The following CHAF1A variants were observed in gnomAD, a reference collection of about 807,000 sequenced individuals.
CHAF1A encodes CAF-1 subunit A.
CHAF1A carries 5 observed loss-of-function variants against 93.2 expected under a neutral mutation model. The ratio of observed to expected loss-of-function variants is 0.05; its 90% CI spans 0.03 to 0.11. The LOEUF (loss-of-function observed/expected upper bound fraction) is 0.11, where lower values mean the gene tolerates loss of function less well. Ranked by LOEUF, CHAF1A falls within the 10% of genes least tolerant of loss-of-function variation. The pLI, the probability that CHAF1A is intolerant of heterozygous loss-of-function variation, is 1.00. For synonymous variants in CHAF1A, 504 were observed against 510.3 expected, an observed-to-expected ratio of 0.99 and a Z score of 0.17; for missense variants, 1,102 against 1,259.9, an observed-to-expected ratio of 0.87 and a Z score of 1.90.
At chr19:4,412,899 T>A (rs1188503818) in intron 3 of CHAF1A, among the ~76,000 whole-genome samples, 1 of 152,162 alleles carries the variant, frequency 6.6e-6, no homozygotes, top group African/African-American at 2.4e-5. Context: ...TCACCGAAGC[T>A]ATGAGGGAAG....
chr19:4,448,044 G>A (rs890358344), downstream of CHAF1A: 2 of 549,374 alleles, frequency 3.6e-6, no homozygotes, highest in South Asian at 2.1e-5. Flanking sequence ...AGTGGGGTGG[G>A]ACCCTGCCTC....
chr19:4,448,474 G>C, downstream of CHAF1A: 1 of 1,388,284 alleles, frequency 7.2e-7, no homozygotes, highest in Non-Finnish European at 1.0e-6. Flanking sequence ...ACGGCCCTCC[G>C]CTGCCCAGGT....
intron 11 of CHAF1A, among the ~76,000 whole-genome samples, chr19:4,431,717 G>A (rs1974186113): frequency 6.6e-6 from 1 of 152,186 alleles, no homozygotes; most frequent in Non-Finnish European, 1.5e-5. Context: ...GGCCTCATGG[G>A]TGAGTTCAGA....
intron 9 of CHAF1A, 21 bp downstream of exon 9, chr19:4,429,627 C>A: frequency 6.2e-7 from 1 of 1,614,102 alleles, no homozygotes; most frequent in Non-Finnish European, 8.5e-7. Context: ...CCCAGAGTGC[C>A]TCCGTCCCCG....
chr19:4,449,181 C>G (rs1030465086), downstream of CHAF1A: 1 of 153,246 alleles, frequency 6.5e-6, no homozygotes, highest in Non-Finnish European at 1.5e-5. Flanking sequence ...AGCCATCACA[C>G]ACGGCCACAC....
At chr19:4,446,671 G>A, downstream of CHAF1A, 1 of 1,612,094 alleles carries the variant, frequency 6.2e-7, no homozygotes, top group Non-Finnish European at 8.5e-7. Context: ...CAGGCTCTGG[G>A]GCTGGGCCAA....
At chr19:4,447,830 C>G, downstream of CHAF1A, 1 of 590,138 alleles carries the variant, frequency 1.7e-6, no homozygotes, top group Non-Finnish European at 3.1e-6. Context: ...CTGGTGCCAG[C>G]AGGAGCCCCA....
At chr19:4,447,919 T>A (rs1974571745), downstream of CHAF1A, 2 of 502,296 alleles carry the variant, frequency 4.0e-6, no homozygotes. Context: ...GCCGGAAGAG[T>A]GGAGAGCCAG....
intron 11 of CHAF1A, 176 bp downstream of exon 11, chr19:4,430,817 C>G (rs1302629104): frequency 3.2e-6 from 2 of 624,492 alleles, no homozygotes; most frequent in Non-Finnish European, 5.6e-6. Flanking sequence ...TTGGTATTAC[C>G]TGGGAGGGTG....
chr19:4,421,874 T>C (rs986124775), intron 4 of CHAF1A, among the ~76,000 whole-genome samples: 2 of 127,260 alleles, frequency 1.6e-5, no homozygotes, highest in Admixed American at 1.7e-4. Context: ...TTTAACTGAG[T>C]CTCAGTTGCC....
chr19:4,429,808 G>A lies in CHAF1A; in HGVS notation c.1854+20G>A, dbSNP rs751877293. 3.7e-6 allele frequency: 6 copies of A among 1,601,140 alleles called. No individual in the cohort carries two copies. Among genetic ancestry groups the A allele is most frequent in the African/African-American group, 2.7e-5 (2 of 74,510 alleles). ...GAGGGGGTAAGGATGTGCCCCAGCT[G>A]TCTTCACTCACAGACGGCTTGTGTT... On this transcript the variant is annotated intron_variant, in intron 10 of 14. Transcript: ENST00000301280.
At chr19:4,446,255 G>A (rs776651024), downstream of CHAF1A, 22 of 1,568,454 alleles carry the variant, frequency 1.4e-5, no homozygotes, top group African/African-American at 4.0e-5. Context: ...AACCCGAGCC[G>A]CCCTCCACGG....
rs774179482 is a variant in CHAF1A at position 4,409,115 on chromosome 19, A to G, written c.316A>G (p.Ile106Val). The part of the protein sequence containing the change: ...GPLDNFLRNR[I>V]ETSIGQSTVI... Reference sequence around the variant, plus strand: ...CTTAGATAACTTTTTAAGAAATAGAATCGAAACCAGTATTGGCCAGAGCAC... The same window carrying G: ...CTTAGATAACTTTTTAAGAAATAGAGTCGAAACCAGTATTGGCCAGAGCAC... The change falls in exon 3 of 15, where the codon ATC becomes GTC. Residue 106 changes from isoleucine (I) to valine (V), a missense_variant. Ile to Val is a conservative substitution (Grantham distance 29). This residue lies in a region of CHAF1A where 379 missense variants were observed against 365.7 expected (regional missense o/e 1.04). Transcript: ENST00000301280. 1.2e-6 allele frequency: 2 copies of G among 1,614,206 alleles called. No individual in the cohort carries two copies. The highest frequency in any genetic ancestry group is 3.3e-5 in the Admixed American group (2 of 60,018).
At position 4,402,689 on chromosome 19, in the gene CHAF1A, G is replaced by A; in HGVS notation, c.-74G>A. ...CGGCAGCAGCGGCGCGGGCGGGAGGGCGAAGAGCAGCGGCCGCCTGAGGGG... is the reference window on the plus strand; with the variant it reads ...CGGCAGCAGCGGCGCGGGCGGGAGGACGAAGAGCAGCGGCCGCCTGAGGGG... On this transcript the variant is annotated 5_prime_UTR_variant, in exon 1 of 15. Transcript: ENST00000301280. The A allele has an allele frequency of 1.0e-6, 1 of 1,000,444 alleles. No individual in the cohort carries two copies. Among genetic ancestry groups the A allele is most frequent in the Non-Finnish European group, 1.3e-6 (1 of 788,580 alleles). 62.0% of individuals were successfully genotyped at this position (1,000,444 alleles called of 1,614,324 possible).
Position 4,406,667 on chromosome 19 carries a change from T to C in CHAF1A, c.103+705T>C, listed in dbSNP as rs965420102. Among the ~76,000 whole-genome samples, 9 of 152,226 alleles carry C rather than the reference T, an allele frequency of 5.9e-5. 1 individual carries two copies. In the East Asian group the frequency reaches 1.7e-3, roughly 29 times the overall value. ...CCGGGATGGTCTCGATCTCCTGACCTTGTGATCCCCCTGCCTCAGCCTTTC... is the reference window on the plus strand; with the variant it reads ...CCGGGATGGTCTCGATCTCCTGACCCTGTGATCCCCCTGCCTCAGCCTTTC... On this transcript the variant is annotated intron_variant, in intron 2 of 14. Transcript: ENST00000301280.
chr19:4,447,455 G>A (rs1974558361), downstream of CHAF1A: 3 of 1,391,400 alleles, frequency 2.2e-6, no homozygotes, highest in Non-Finnish European at 2.0e-6. Context: ...AGCTCCTCCA[G>A]GGAGCCCACC....
At chr19:4,446,203 G>C (rs749832706), downstream of CHAF1A, 1 of 1,597,834 alleles carries the variant, frequency 6.3e-7, no homozygotes, top group Non-Finnish European at 8.5e-7. Flanking sequence ...AGTGCCTGGG[G>C]AGTGGGGGAG....
downstream of CHAF1A, chr19:4,445,477 G>A (rs771796401): frequency 1.9e-6 from 3 of 1,613,630 alleles, no homozygotes; most frequent in Non-Finnish European, 1.7e-6. Context: ...CCACAGGGCT[G>A]AGGCCAACCC....
Position 4,429,531 on chromosome 19 carries a change from C to T in CHAF1A, c.1698C>T (p.His566=). Reference sequence around the variant, plus strand: ...AGCTCCTGCAGTTCTGTGAGAACCACCGGCCTGCCTACTGGGGTACCTGGA... The same window carrying T: ...AGCTCCTGCAGTTCTGTGAGAACCATCGGCCTGCCTACTGGGGTACCTGGA... ...RMKLLQFCEN[H]RPAYWGTWNK... is the part of the protein sequence containing the mutation. Residue 566 remains histidine, a synonymous_variant, in exon 9 of 15, where the codon CAC becomes CAT. Transcript: ENST00000301280. 6.2e-7 allele frequency: 1 copy of T among 1,613,964 alleles called. No homozygotes were observed. The highest frequency in any genetic ancestry group is 8.5e-7 in the Non-Finnish European group (1 of 1,179,992).
Sources: allele counts gnomAD v4.1 joint callset (sites outside exome capture counted in the v4.1 genomes callset), GRCh38; gene constraint gnomAD v4.1.1; regional missense constraint gnomAD v4.1.1; transcripts MANE v1.5; gene names NCBI Gene and HGNC (gene_info 2026-07-23, HGNC 2026-07-21).